Variants in MYO10 observed in about 807,000 individuals in gnomAD.
The protein encoded by MYO10 is myosin X, also known as unconventional myosin-X.
MYO10 carries 133 observed loss-of-function variants against 257.3 expected under a neutral mutation model. The ratio of observed to expected loss-of-function variants is 0.52; its 90% CI spans 0.45 to 0.60. The LOEUF (loss-of-function observed/expected upper bound fraction) is 0.60. Among genes scored for constraint, MYO10 ranks in the 20% least tolerant of loss-of-function variants. The pLI is 0.00. For missense variants in MYO10, 2,399 were observed against 2,635.7 expected (o/e 0.91, Z 1.97); for synonymous variants, 1,104 against 1,028.6 (o/e 1.07, Z -1.40).
chr5:16,700,846 C>G, intron 25 of MYO10, 117 bp downstream of exon 25: 2 of 1,257,436 alleles, frequency 1.6e-6, no homozygotes, highest in Non-Finnish European at 2.2e-6. Context: ...TCTAAGACCA[C>G]GACTCTGCAA....
chr5:16,918,214 G>A, intron 1 of MYO10, among the ~76,000 whole-genome samples: 1 of 152,174 alleles, frequency 6.6e-6, no homozygotes, highest in East Asian at 1.9e-4. Flanking sequence ...AAGATGTGAA[G>A]AGTCCAAAAG....
chr5:16,805,119 G>A (rs957851304), intron 3 of MYO10, among the ~76,000 whole-genome samples: 9 of 152,176 alleles, frequency 5.9e-5, no homozygotes, highest in Non-Finnish European at 1.3e-4. Flanking sequence ...AGCTGGAGGT[G>A]GGGAAAGAGC....
At chr5:16,738,402 G>T in intron 19 of MYO10, 1 of 985,388 alleles carries the variant, frequency 1.0e-6, no homozygotes, top group Non-Finnish European at 1.2e-6. Context: ...TGATTGCCTG[G>T]CATTAGAAAG....
At chr5:16,671,722 G>A (rs2126465604) in intron 37 of MYO10, among the ~76,000 whole-genome samples, 180 bp from the exon 38 acceptor site, 1 of 152,282 alleles carries the variant, frequency 6.6e-6, no homozygotes, top group East Asian at 1.9e-4. Flanking sequence ...CTTTCATCCT[G>A]ATTTTGCTTT....
chr5:16,746,274 T>C (rs1187103109), intron 19 of MYO10, among the ~76,000 whole-genome samples: 1 of 152,130 alleles, frequency 6.6e-6, no homozygotes, highest in Non-Finnish European at 1.5e-5. Context: ...TTTTGGTCAG[T>C]TTTGGCCACC....
intron 1 of MYO10, among the ~76,000 whole-genome samples, chr5:16,893,574 C>T (rs1048322641): frequency 1.4e-5 from 2 of 141,448 alleles, no homozygotes; most frequent in East Asian, 4.1e-4. Flanking sequence ...GCAGAGGTTG[C>T]GGTGAGCTGA....
intron 2 of MYO10, among the ~76,000 whole-genome samples, chr5:16,818,644 C>G (rs765108579): frequency 2.3e-4 from 35 of 151,604 alleles, no homozygotes; most frequent in Non-Finnish European, 3.4e-4. Flanking sequence ...TGTCATGTTG[C>G]CCAGGCTGGT....
rs187005822 is a variant in MYO10 at position 16,710,573 on chromosome 5, G to A, written c.2169+335C>T. 7.7e-3 allele frequency: 2,338 copies of A among 303,338 alleles called. 13 individuals carry two copies. Among genetic ancestry groups the A allele is most frequent in the South Asian group, 0.013 (280 of 21,062 alleles). 18.8% of individuals were successfully genotyped at this position (303,338 alleles called of 1,614,324 possible). On this transcript the variant is annotated intron_variant, in intron 21 of 40. Transcript: ENST00000513610. ...TAGAAGGGTCTTGGGGTATCGCTTTGTAGACACTGGGGGCTGCCTCCTACT... is the reference window on the plus strand; with the variant it reads ...TAGAAGGGTCTTGGGGTATCGCTTTATAGACACTGGGGGCTGCCTCCTACT...
chr5:16,881,918 T>C (rs1353560596), intron 1 of MYO10, among the ~76,000 whole-genome samples: 1 of 152,178 alleles, frequency 6.6e-6, no homozygotes, highest in Non-Finnish European at 1.5e-5. Flanking sequence ...ATACATTATA[T>C]AGGCAACCTA....
rs1453497044 is a variant in MYO10 at position 16,881,324 on chromosome 5, T to C, written c.22-3617A>G. 2.0e-5 allele frequency among the ~76,000 whole-genome samples: 3 copies of C among 152,360 alleles called. No individual in the cohort carries two copies. The East Asian group carries it at 5.8e-4, about 29-fold the overall frequency. On this transcript the variant is annotated intron_variant, in intron 1 of 40. Coordinates refer to ENST00000513610, the MANE Select transcript of MYO10 (RefSeq NM_012334.3). ...CAGAACATATTTTTTCACTCCAGCGTGCAGTTTCTTTGACTTAGCATCTCA... is the reference window on the plus strand; with the variant it reads ...CAGAACATATTTTTTCACTCCAGCGCGCAGTTTCTTTGACTTAGCATCTCA...
intron 21 of MYO10, among the ~76,000 whole-genome samples, chr5:16,705,637 C>G (rs1049749401): frequency 6.6e-6 from 1 of 152,152 alleles, no homozygotes. Flanking sequence ...TTTTACTTTA[C>G]GCTTCCATGC....
chr5:16,748,640 G>A (rs1438591316), intron 19 of MYO10, among the ~76,000 whole-genome samples: 1 of 151,852 alleles, frequency 6.6e-6, no homozygotes, highest in Non-Finnish European at 1.5e-5. Context: ...GAGGGAGGGA[G>A]GGAGAAATAG....
rs1392948115 is a variant in MYO10, at chr5:16,759,078, C to A, written c.1740-852G>T. 3.3e-5 allele frequency among the ~76,000 whole-genome samples: 5 copies of A among 152,106 alleles called. No homozygotes were observed. The South Asian group carries it at 1.0e-3, about 32-fold the overall frequency. On this transcript the variant is annotated intron_variant, in intron 17 of 40. Coordinates refer to ENST00000513610, the MANE Select transcript of MYO10 (RefSeq NM_012334.3). ...CTGGGATTATAGGCGCCTGCCATCA[C>A]GCCTGGCTAATTTTTATATTTTGTA...
intron 2 of MYO10, among the ~76,000 whole-genome samples, chr5:16,819,484 A>C (rs1742735087): frequency 1.3e-5 from 2 of 152,170 alleles, no homozygotes; most frequent in South Asian, 4.1e-4. Context: ...GTATTTACTC[A>C]TTTACTAGAG....
At chr5:16,922,434 G>A (rs185157180) in intron 1 of MYO10, among the ~76,000 whole-genome samples, 7 of 152,258 alleles carry the variant, frequency 4.6e-5, no homozygotes, top group Non-Finnish European at 7.4e-5. Flanking sequence ...ACAAATTTGG[G>A]GAGATATAAG....
chr5:16,794,570 A>G, intron 4 of MYO10, 76 bp downstream of exon 4: 7 of 1,376,832 alleles, frequency 5.1e-6, no homozygotes, highest in Non-Finnish European at 5.8e-6. Context: ...TTAATGCCCT[A>G]AGGAGGCTGG....
Position 16,928,447 on chromosome 5 carries a change from C to A in MYO10, c.21+7341G>T, listed in dbSNP as rs189355593. Among the ~76,000 whole-genome samples, 247 of 152,264 alleles carry A rather than the reference C, an allele frequency of 1.6e-3. 1 individual carries two copies. Among genetic ancestry groups the A allele is most frequent in the South Asian group, 0.012 (59 of 4,828 alleles). On this transcript the variant is annotated intron_variant, in intron 1 of 40. Transcript: ENST00000513610. ...GACCTCAGGTATCCACCTGCCTCGG[C>A]CTCCCAAAGTGCTGGGATTACAGGC...
intron 1 of MYO10, among the ~76,000 whole-genome samples, chr5:16,880,245 A>T (rs1744719796): frequency 1.1e-5 from 1 of 94,360 alleles, no homozygotes; most frequent in Admixed American, 1.1e-4. Flanking sequence ...GTTACTCGGG[A>T]TCCATAGTTG....
At chr5:16,837,381 T>C (rs1416761692) in intron 2 of MYO10, among the ~76,000 whole-genome samples, 1 of 152,170 alleles carries the variant, frequency 6.6e-6, no homozygotes, top group East Asian at 1.9e-4. Context: ...CAAAAGGCTA[T>C]ATATTATTAT....
Sources: gnomAD v4.1 joint callset for allele counts (sites outside exome capture counted in the v4.1 genomes callset) on GRCh38, gnomAD v4.1.1 for gene constraint, MANE v1.5 for transcripts, NCBI Gene and HGNC (gene_info 2026-07-23, HGNC 2026-07-21) for gene names.